Variants in NUMA1 observed in about 807,000 individuals in gnomAD.
NUMA1 encodes the protein SP-H antigen.
Under a neutral mutation model 237.1 loss-of-function variants are expected in NUMA1, and 62 were observed. The observed-to-expected ratio is 0.26, with a 90% CI of 0.21 to 0.32. The LOEUF (loss-of-function observed/expected upper bound fraction) is 0.32, where lower values mean the gene tolerates loss of function less well. NUMA1 is among the 10% of genes least tolerant of loss of function. The pLI, the probability that NUMA1 is intolerant of heterozygous loss-of-function variation, is 1.00. For synonymous variants in NUMA1, 1,028 were observed against 1,066.1 expected (o/e 0.96, Z 0.70); for missense variants, 2,533 against 2,666.5 (o/e 0.95, Z 1.10).
chr11:72,076,273 C>T (rs1943703204), intron 1 of NUMA1, among the ~76,000 whole-genome samples: 2 of 152,150 alleles, frequency 1.3e-5, no homozygotes, highest in African/African-American at 4.8e-5. Flanking sequence ...ACTTGGGAGG[C>T]TGAGGTGGGC....
chr11:72,074,469 A>G (rs1256371376), intron 1 of NUMA1, among the ~76,000 whole-genome samples: 1 of 152,256 alleles, frequency 6.6e-6, no homozygotes, highest in Non-Finnish European at 1.5e-5. Context: ...ACAACAGACC[A>G]GGCTGGGTGT....
chr11:72,019,434 G>C, intron 9 of NUMA1, 60 bp downstream of exon 9: 1 of 1,594,146 alleles, frequency 6.3e-7, no homozygotes, highest in African/African-American at 1.3e-5. Context: ...TAGAAGTTAG[G>C]AATGTGAGGA....
In NUMA1 at chr11:72,003,290, G is replaced by C. The variant is rs747172288; in HGVS notation, c.*237C>G. 2 of 549,556 alleles carry C rather than the reference G, an allele frequency of 3.6e-6. No homozygotes were observed. The highest frequency in any genetic ancestry group is 6.5e-6 in the Non-Finnish European group (2 of 306,476). The allele number at this position is 549,556 out of a possible 1,614,324, so 34.0% of individuals were successfully genotyped here. A position where few individuals can be genotyped will look rare whatever the true frequency, so the allele number is the denominator to read the frequency against. ...TGACTTTGCTTTAAGAAAAAAGGAG[G>C]CAAGGTAGGGAGAGCGCCCACACTG... is the stretch of plus-strand genomic sequence containing the variant. On this transcript the variant is annotated 3_prime_UTR_variant, in exon 27 of 27. Coordinates refer to ENST00000393695, the MANE Select transcript of NUMA1 (RefSeq NM_006185.4).
intron 2 of NUMA1, among the ~76,000 whole-genome samples, chr11:72,048,657 G>A (rs1942141923): frequency 6.6e-6 from 1 of 152,192 alleles, no homozygotes; most frequent in Non-Finnish European, 1.5e-5. Flanking sequence ...ACAGGAGTGA[G>A]CCACCGTGCC....
intron 10 of NUMA1, 30 bp from the exon 11 acceptor site, chr11:72,018,543 G>GA (rs772861199): frequency 6.4e-7 from 1 of 1,574,722 alleles, no homozygotes. Flanking sequence ...GAGGAGAGGA[G>GA]AATCAGAACT....
intron 6 of NUMA1, 101 bp downstream of exon 6, chr11:72,022,964 C>A (rs1164273424): frequency 1.3e-5 from 10 of 785,724 alleles, no homozygotes; most frequent in South Asian, 1.2e-4. Context: ...AAATAAAGCA[C>A]CCATCATCTC....
intron 2 of NUMA1, among the ~76,000 whole-genome samples, chr11:72,042,889 G>A (rs1181376816): frequency 6.6e-6 from 1 of 152,044 alleles, no homozygotes; most frequent in South Asian, 2.1e-4. Flanking sequence ...CACTTTGGGT[G>A]GACCACTGAA....
chr11:72,042,744 T>C (rs1478410985), intron 2 of NUMA1, among the ~76,000 whole-genome samples: 1 of 152,060 alleles, frequency 6.6e-6, no homozygotes, highest in African/African-American at 2.4e-5. Flanking sequence ...GATATATACC[T>C]GAATGAGACT....
intron 2 of NUMA1, among the ~76,000 whole-genome samples, chr11:72,042,617 G>C (rs1306702589): frequency 6.6e-6 from 1 of 152,170 alleles, no homozygotes; most frequent in East Asian, 1.9e-4. Context: ...AGAGTGAGGT[G>C]GGGTCAGAGA....
At chr11:72,056,168 A>T (rs891054403) in intron 2 of NUMA1, among the ~76,000 whole-genome samples, 2 of 151,046 alleles carry the variant, frequency 1.3e-5, no homozygotes, top group Admixed American at 1.3e-4. Context: ...AACAACAAAT[A>T]AAAAAAAATT....
intron 2 of NUMA1, among the ~76,000 whole-genome samples, chr11:72,056,125 G>A (rs919794625): frequency 2.6e-5 from 4 of 151,850 alleles, no homozygotes; most frequent in African/African-American, 9.7e-5. Flanking sequence ...CTCCAGCCTG[G>A]GTGACAGAGT....
At chr11:72,003,620 T>G (rs1955420114) in intron 26 of NUMA1, 82 bp from the exon 27 acceptor site, 4 of 1,555,776 alleles carry the variant, frequency 2.6e-6, no homozygotes, top group Non-Finnish European at 3.5e-6. Flanking sequence ...CTCTTCCTGC[T>G]CCCACGCCCC....
chr11:72,015,886 G>A lies in NUMA1; in HGVS notation c.1617C>T (p.Leu539=). 1.2e-6 allele frequency: 2 copies of A among 1,614,000 alleles called. No individual in the cohort carries two copies. The highest frequency in any genetic ancestry group is 1.7e-5 in the Admixed American group (1 of 60,008). Residue 539 remains leucine (L), a synonymous_variant, in exon 15 of 27, where the codon CTC becomes CTT. Coordinates refer to ENST00000393695, the MANE Select transcript of NUMA1 (RefSeq NM_006185.4). The surrounding 1 kb of genome is among the most constrained non-coding windows in gnomAD (Gnocchi z 4.0). ...CCTGGGAGGCCTGTTCTTGCTGTTG[G>A]AGGGTCTGTGCTAGCTGGGCCTGCT... ...KEKQAQLAQT[L]QQQEQASQGL... is the part of the protein sequence containing the mutation.
chr11:72,063,788 A>G (rs1943071721), intron 2 of NUMA1, among the ~76,000 whole-genome samples: 1 of 151,616 alleles, frequency 6.6e-6, no homozygotes, highest in African/African-American at 2.4e-5. Flanking sequence ...GTGGTGGCAT[A>G]CACCTATAGT....
At chr11:72,019,348 T>C in intron 9 of NUMA1, 146 bp downstream of exon 9, 1 of 1,069,968 alleles carries the variant, frequency 9.3e-7, no homozygotes, top group African/African-American at 1.6e-5. Flanking sequence ...CCCCAGTTAA[T>C]ACTGGGTGAG....
In NUMA1 at chr11:72,014,538, T is replaced by C; in HGVS notation, c.2965A>G (p.Met989Val). ...NELERLRAAL[M>V]ESQGQQQEER... Reference sequence around the variant, plus strand: ...TCCTGCTGCTGCCCCTGGCTCTCCATCAGCGCGGCCCGCAGCCGTTCCAGC... The same window carrying C: ...TCCTGCTGCTGCCCCTGGCTCTCCACCAGCGCGGCCCGCAGCCGTTCCAGC... The change falls in exon 15 of 27, where the codon ATG (methionine) becomes GTG (valine). Residue 989 changes from methionine to valine, a missense_variant. Coordinates refer to ENST00000393695, the MANE Select transcript of NUMA1 (RefSeq NM_006185.4). This position sits in a 1 kb window ranked among gnomAD's most constrained non-coding sequence, Gnocchi z 4.6. The C allele has an allele frequency of 6.2e-7, 1 of 1,602,156 alleles. No homozygotes were observed. Among genetic ancestry groups the C allele is most frequent in the South Asian group, 1.1e-5 (1 of 91,078 alleles).
At chr11:72,033,159 T>C (rs548044281) in intron 3 of NUMA1, among the ~76,000 whole-genome samples, 16 of 152,274 alleles carry the variant, frequency 1.1e-4, no homozygotes, top group South Asian at 2.1e-4. Context: ...TATATTTATA[T>C]ATATTTTTAA....
At chr11:72,077,135 T>G (rs1943745138) in intron 1 of NUMA1, among the ~76,000 whole-genome samples, 1 of 151,170 alleles carries the variant, frequency 6.6e-6, no homozygotes, top group Non-Finnish European at 1.5e-5. Flanking sequence ...AAAGAAAGAA[T>G]AAGATGTAGA....
chr11:72,009,616 G>A (rs556594940), intron 17 of NUMA1, among the ~76,000 whole-genome samples: 30 of 152,338 alleles, frequency 2.0e-4, no homozygotes, highest in South Asian at 8.3e-4. Flanking sequence ...ACCAGCTCCT[G>A]CCCTATCTTT....
Sources: gnomAD v4.1 joint callset for allele counts (sites outside exome capture counted in the v4.1 genomes callset) on GRCh38, gnomAD v4.1.1 for gene constraint, Gnocchi (gnomAD v3.1) non-coding constraint, MANE v1.5 for transcripts, NCBI Gene and HGNC (gene_info 2026-07-23, HGNC 2026-07-21) for gene names.